GPLD1: variants seen among roughly 807,000 people sequenced by gnomAD.
GPLD1 encodes phosphatidylinositol-glycan-specific phospholipase D.
GPLD1 carries 84 observed loss-of-function variants against 112.6 expected under a neutral mutation model. The ratio of observed to expected loss-of-function variants is 0.75; its 90% confidence interval spans 0.63 to 0.89. GPLD1 has a LOEUF of 0.89. Ranked by LOEUF, GPLD1 falls within the 40% of genes least tolerant of loss-of-function variation. The probability of loss-of-function intolerance (pLI) is 0.00; values close to 1 mark genes in which losing one functional copy is unlikely to be tolerated. For missense variants in GPLD1, 1,044 were observed against 1,051.5 expected (o/e 0.99, Z 0.10); for synonymous variants, 386 against 403.8 (o/e 0.96, Z 0.53).
chr6:24,451,121 A>C (rs1173264770), intron 14 of GPLD1, among the ~76,000 whole-genome samples: 13 of 152,246 alleles, frequency 8.5e-5, no homozygotes, highest in Admixed American at 8.5e-4. Context: ...CAGTGCAGAA[A>C]GTCCTGTAGG....
chr6:24,436,612 T>C lies in GPLD1; in HGVS notation c.2322A>G (p.Lys774=). 1 of 1,614,012 alleles carries C rather than the reference T, an allele frequency of 6.2e-7. No homozygotes were observed. Among genetic ancestry groups the C allele is most frequent in the Non-Finnish European group, 8.5e-7 (1 of 1,179,872 alleles). ...KETTLGDMTG[K]CKSWITPCPE... ...GACATGGAGTTATCCATGATTTGCA[T>C]TTGCCAGTCATGTCACCAAGGGTGG... Residue 774 remains lysine (K), a synonymous_variant, in exon 22 of 25, where the codon AAA becomes AAG. Coordinates refer to ENST00000230036, the MANE Select transcript of GPLD1 (RefSeq NM_001503.4).
chr6:24,489,530 C>A lies in GPLD1; in HGVS notation c.-19G>T, dbSNP rs750764705. 1 of 1,613,694 alleles carries A rather than the reference C, an allele frequency of 6.2e-7. No homozygotes were observed. Among genetic ancestry groups the A allele is most frequent in the Admixed American group, 1.7e-5 (1 of 59,996 alleles). ...CAGACATGATCTCATTGCCCACCGGCTTCTCTGGTGACGTGGGAATGCTCA... is the reference window on the plus strand; with the variant it reads ...CAGACATGATCTCATTGCCCACCGGATTCTCTGGTGACGTGGGAATGCTCA... On this transcript the variant is annotated 5_prime_UTR_variant, in exon 1 of 25. Coordinates refer to ENST00000230036, the MANE Select transcript of GPLD1 (RefSeq NM_001503.4).
chr6:24,481,267 C>T (rs985256604), intron 2 of GPLD1, among the ~76,000 whole-genome samples: 3 of 151,854 alleles, frequency 2.0e-5, no homozygotes, highest in Non-Finnish European at 4.4e-5. Flanking sequence ...CCTAAACTAG[C>T]AGAGGGGTTT....
intron 3 of GPLD1, among the ~76,000 whole-genome samples, chr6:24,476,739 T>C (rs576236337): frequency 6.6e-6 from 1 of 152,252 alleles, no homozygotes; most frequent in Admixed American, 6.5e-5. Context: ...CATTTGATTT[T>C]ATAATAATTA....
exon 1 of GPLD1, chr6:24,495,019 G>A (rs1764658487): frequency 1.5e-6 from 2 of 1,329,942 alleles, no homozygotes; most frequent in East Asian, 2.8e-5. Flanking sequence ...ATTTGGCTGC[G>A]GAGCTGTGGG....
intron 12 of GPLD1, among the ~76,000 whole-genome samples, 160 bp downstream of exon 12, chr6:24,460,119 A>T (rs1763387265): frequency 1.3e-5 from 2 of 152,178 alleles, no homozygotes; most frequent in Non-Finnish European, 1.5e-5. Context: ...ACAGGTCTCA[A>T]ACTCCTGGAC....
At position 24,426,705 on chromosome 6, in the gene GPLD1, G is replaced by GGC. The variant is rs1554127799; in HGVS notation, c.*2326_*2327insGC. 6.6e-6 allele frequency among the ~76,000 whole-genome samples: 1 copy of GGC among 152,072 alleles called. No individual in the cohort carries two copies. The highest frequency in any genetic ancestry group is 1.5e-5 in the Non-Finnish European group (1 of 68,014). ...CTTTACTCAAGTGTCAGATGTCAGA[G>GGC]TGCTCTAACTGCTCAACTCATAAGT... On this transcript the variant is annotated 3_prime_UTR_variant, in exon 25 of 25. Coordinates refer to ENST00000230036, the MANE Select transcript of GPLD1 (RefSeq NM_001503.4).
rs371923295 is a variant in GPLD1 at position 24,495,058 on chromosome 6, G to A, written n.148C>T. On this transcript the variant is annotated non_coding_transcript_exon_variant, in exon 1 of 11. Transcript: ENST00000474784. ...CGGCGCCTCGGGTCGACGTTTCCAG[G>A]CTGCCGCCTCCGCCCCCGCGCCGGC... The A allele has an allele frequency of 5.6e-5, 76 of 1,349,426 alleles. No homozygotes were observed. The East Asian group carries it at 1.5e-3, about 26-fold the overall frequency. The allele number at this position is 1,349,426 out of a possible 1,614,324, so 83.6% of individuals were successfully genotyped here.
chr6:24,463,928 T>C (rs995944066), intron 10 of GPLD1, among the ~76,000 whole-genome samples: 2 of 152,342 alleles, frequency 1.3e-5, no homozygotes, highest in Middle Eastern at 3.4e-3. Flanking sequence ...CTTGGTAAAT[T>C]GGGACAGGGA....
chr6:24,449,534 A>G (rs1169071411), intron 15 of GPLD1, among the ~76,000 whole-genome samples: 2 of 152,190 alleles, frequency 1.3e-5, no homozygotes, highest in African/African-American at 2.4e-5. Flanking sequence ...GGGATGAAAA[A>G]AAGGGCTAAG....
At chr6:24,464,921 G>A (rs1763549060) in intron 10 of GPLD1, among the ~76,000 whole-genome samples, 1 of 152,174 alleles carries the variant, frequency 6.6e-6, no homozygotes, top group Non-Finnish European at 1.5e-5. Context: ...GGCCAGGCAT[G>A]GTGGCTCACG....
downstream of GPLD1, chr6:24,425,463 T>C (rs984560422): frequency 6.6e-6 from 1 of 152,244 alleles, no homozygotes; most frequent in African/African-American, 2.4e-5. Flanking sequence ...TAGTGTTTTA[T>C]AGAATTTCTG....
chr6:24,435,401 G>A (rs754022312), intron 22 of GPLD1, among the ~76,000 whole-genome samples: 23 of 152,100 alleles, frequency 1.5e-4, no homozygotes, highest in Non-Finnish European at 2.4e-4. Flanking sequence ...TAAATTCATA[G>A]GAAAAATACT....
chr6:24,445,778 T>C lies in GPLD1; in HGVS notation c.1874A>G (p.Tyr625Cys), dbSNP rs1360443362. Reference sequence around the variant, plus strand: ...TTGGCCGTTTGGTGGGAAGTAGCCATACACCCTCCCAAGGCTCTTTTTCTC... The same window carrying C: ...TTGGCCGTTTGGTGGGAAGTAGCCACACACCCTCCCAAGGCTCTTTTTCTC... ...RDEKKSLGRV[Y>C]GYFPPNGQSW... The change falls in exon 19 of 25, where the codon TAT becomes TGT. Residue 625 changes from tyrosine to cysteine, a missense_variant. Physicochemically the swap from Tyr to Cys is radical, Grantham distance 194. Transcript: ENST00000230036. The C allele has an allele frequency of 1.2e-6, 2 of 1,613,922 alleles. No homozygotes were observed. The highest frequency in any genetic ancestry group is 8.5e-7 in the Non-Finnish European group (1 of 1,179,958).
chr6:24,470,124 G>A (rs369860130), intron 7 of GPLD1, among the ~76,000 whole-genome samples: 2 of 149,278 alleles, frequency 1.3e-5, no homozygotes, highest in African/African-American at 2.6e-5. Context: ...GAACCTGGAC[G>A]GTTTTTTTTT....
chr6:24,494,490 G>T (rs1561865022), upstream of GPLD1, among the ~76,000 whole-genome samples: 1 of 152,100 alleles, frequency 6.6e-6, no homozygotes, highest in Non-Finnish European at 1.5e-5. Context: ...TCAATACTAC[G>T]TGCTCAGGAG....
chr6:24,458,234 C>T (rs1200129407), intron 12 of GPLD1, among the ~76,000 whole-genome samples: 2 of 152,102 alleles, frequency 1.3e-5, no homozygotes, highest in Non-Finnish European at 2.9e-5. Context: ...GGCTCAGGCG[C>T]TGCAAAAGCA....
chr6:24,491,784 G>C (rs1421910507), upstream of GPLD1, among the ~76,000 whole-genome samples: 1 of 151,782 alleles, frequency 6.6e-6, no homozygotes, highest in Admixed American at 6.6e-5. Context: ...TTTTGTATTT[G>C]AGATTCAGAA....
chr6:24,473,245 A>T (rs1763889030), intron 6 of GPLD1: 1 of 163,952 alleles, frequency 6.1e-6, no homozygotes, highest in Admixed American at 6.1e-5. Flanking sequence ...CACCTAGTTT[A>T]AATATTTAAA....
Sources: allele counts gnomAD v4.1 joint callset (sites outside exome capture counted in the v4.1 genomes callset), GRCh38; gene constraint gnomAD v4.1.1; transcripts MANE v1.5; gene names NCBI Gene and HGNC (gene_info 2026-07-23, HGNC 2026-07-21).